The following ATP8A2 variants were observed in gnomAD, a reference collection of about 807,000 sequenced individuals.
ATP8A2 encodes ATPase phospholipid transporting 8A2.
ATP8A2 carries 100 observed loss-of-function variants against 165.6 expected under a neutral mutation model. The observed-to-expected ratio is 0.60, with a 90% confidence interval of 0.51 to 0.71. The LOEUF is 0.71. Ranked by LOEUF, ATP8A2 falls within the 30% of genes least tolerant of loss-of-function variation. The pLI is 0.00. For synonymous variants in ATP8A2, 543 were observed against 548.8 expected, an observed-to-expected ratio of 0.99 and a Z score of 0.15; for missense variants, 1,227 against 1,479.5, an observed-to-expected ratio of 0.83 and a Z score of 2.80.
intron 24 of ATP8A2, among the ~76,000 whole-genome samples, chr13:25,670,230 A>T (rs1307405122): frequency 2.6e-5 from 4 of 152,202 alleles, no homozygotes; most frequent in Admixed American, 2.6e-4. Flanking sequence ...ACCATTTTGT[A>T]TGATGTGATT....
At chr13:25,892,125 G>C (rs12430157) in intron 33 of ATP8A2, among the ~76,000 whole-genome samples, 12,115 of 151,646 alleles carry the variant, frequency 0.08, 1,264 homozygotes, top group African/African-American at 0.23. Flanking sequence ...ACAGGCGCCC[G>C]CCACCACACC....
In ATP8A2 at chr13:25,845,511, G is replaced by A. The variant is rs543965879; in HGVS notation, c.2956+5887G>A. 2.6e-5 allele frequency among the ~76,000 whole-genome samples: 4 copies of A among 152,260 alleles called. No homozygotes were observed. In the East Asian group the frequency reaches 5.8e-4, roughly 22 times the overall value. On this transcript the variant is annotated intron_variant, in intron 30 of 36. Coordinates refer to ENST00000381655, the MANE Select transcript of ATP8A2 (RefSeq NM_016529.6). ...AGAAACTGCTCCCTCACCGTTTAAG[G>A]AGAATACCATACGGATTCTTATGTA...
chr13:25,830,904 A>C (rs779364046), intron 28 of ATP8A2, among the ~76,000 whole-genome samples: 3 of 152,184 alleles, frequency 2.0e-5, no homozygotes, highest in Admixed American at 6.5e-5. Flanking sequence ...TAATGATCAA[A>C]TCTGAAACAT....
At chr13:25,896,615 C>G (rs1326353289) in intron 33 of ATP8A2, among the ~76,000 whole-genome samples, 2 of 152,130 alleles carry the variant, frequency 1.3e-5, no homozygotes, top group African/African-American at 2.4e-5. Context: ...GTTGATCTGT[C>G]TAATGTTGAC....
intron 1 of ATP8A2, among the ~76,000 whole-genome samples, chr13:25,443,386 G>C (rs2034985080): frequency 1.3e-5 from 2 of 152,122 alleles, no homozygotes; most frequent in African/African-American, 4.8e-5. Flanking sequence ...TTCCTCCCTT[G>C]AGTGCTTCAT....
chr13:25,744,152 T>C (rs1267086342), intron 25 of ATP8A2, among the ~76,000 whole-genome samples: 2 of 152,264 alleles, frequency 1.3e-5, no homozygotes, highest in African/African-American at 2.4e-5. Flanking sequence ...GAATTTTCTT[T>C]GGCAATTGCC....
chr13:25,715,479 C>T (rs926952855), intron 25 of ATP8A2, among the ~76,000 whole-genome samples: 7 of 152,156 alleles, frequency 4.6e-5, no homozygotes, highest in Non-Finnish European at 1.0e-4. Context: ...AAACCCTGTA[C>T]CAATTAGTCA....
At chr13:25,780,175 G>A (rs893371960) in intron 27 of ATP8A2, among the ~76,000 whole-genome samples, 1 of 152,158 alleles carries the variant, frequency 6.6e-6, no homozygotes. Flanking sequence ...TTATCATAGG[G>A]ATCTCTTGTA....
intron 24 of ATP8A2, among the ~76,000 whole-genome samples, chr13:25,678,072 C>T (rs888814838): frequency 4.6e-5 from 7 of 152,076 alleles, no homozygotes; most frequent in African/African-American, 9.7e-5. Context: ...ATAGCTCAGA[C>T]GACCCAGAAG....
intron 25 of ATP8A2, among the ~76,000 whole-genome samples, chr13:25,760,212 G>T (rs867488269): frequency 6.6e-6 from 1 of 152,122 alleles, no homozygotes; most frequent in Non-Finnish European, 1.5e-5. Flanking sequence ...AACAACTGTA[G>T]GATAGCTGAC....
intron 25 of ATP8A2, among the ~76,000 whole-genome samples, chr13:25,706,548 C>T (rs2137955119): frequency 6.6e-6 from 1 of 152,304 alleles, no homozygotes; most frequent in Admixed American, 6.5e-5. Context: ...GTGAACTACA[C>T]ACAGAATTAT....
chr13:26,019,542 C>G (rs1957051130), intron 36 of ATP8A2, among the ~76,000 whole-genome samples: 1 of 152,146 alleles, frequency 6.6e-6, no homozygotes, highest in South Asian at 2.1e-4. Flanking sequence ...AGTGTTTTTT[C>G]TTAATTGGCA....
intron 1 of ATP8A2, among the ~76,000 whole-genome samples, chr13:25,394,321 C>A (rs1469146028): frequency 2.0e-5 from 3 of 152,184 alleles, no homozygotes; most frequent in East Asian, 1.9e-4. Flanking sequence ...TTCAGGCAGG[C>A]ATCAACAAAG....
chr13:25,897,386 T>G (rs1392487502), intron 33 of ATP8A2, among the ~76,000 whole-genome samples: 1 of 152,256 alleles, frequency 6.6e-6, no homozygotes, highest in Admixed American at 6.5e-5. Flanking sequence ...CTTGTAGAGT[T>G]TCTGCCGAGA....
chr13:25,721,542 G>A (rs1475065822), intron 25 of ATP8A2, among the ~76,000 whole-genome samples: 1 of 152,140 alleles, frequency 6.6e-6, no homozygotes. Flanking sequence ...AGATAGGCCC[G>A]AGTATGTACA....
intron 25 of ATP8A2, among the ~76,000 whole-genome samples, chr13:25,715,664 T>C (rs1343886206): frequency 6.6e-6 from 1 of 152,256 alleles, no homozygotes; most frequent in East Asian, 1.9e-4. Flanking sequence ...CAAAAAATAT[T>C]TCATTGTATA....
intron 24 of ATP8A2, among the ~76,000 whole-genome samples, chr13:25,693,531 G>C (rs2042772390): frequency 6.6e-6 from 1 of 152,032 alleles, no homozygotes; most frequent in African/African-American, 2.4e-5. Context: ...GCAGATGAAG[G>C]GCAGGGAGAA....
chr13:25,822,401 C>CA (rs1479459545), intron 27 of ATP8A2, among the ~76,000 whole-genome samples: 4 of 152,194 alleles, frequency 2.6e-5, no homozygotes, highest in Admixed American at 2.6e-4. Flanking sequence ...TATTTATAGA[C>CA]AATGCTATCT....
intron 27 of ATP8A2, among the ~76,000 whole-genome samples, chr13:25,808,849 G>A (rs1161896673): frequency 1.3e-5 from 2 of 151,880 alleles, no homozygotes; most frequent in East Asian, 1.9e-4. Context: ...ACAAACCACT[G>A]TAACTTTATA....
Sources: allele counts gnomAD v4.1 joint callset (sites outside exome capture counted in the v4.1 genomes callset), GRCh38; gene constraint gnomAD v4.1.1; transcripts MANE v1.5; gene names NCBI Gene and HGNC (gene_info 2026-07-23, HGNC 2026-07-21).